The following RARB variants were observed in gnomAD, a reference collection of about 807,000 sequenced individuals.
RARB encodes the protein retinoic acid receptor beta, also known as HBV-activated protein.
In RARB, 17 loss-of-function variants were observed where a neutral mutation model predicts 51.9. The observed-to-expected ratio is 0.33, with a 90% CI of 0.22 to 0.49. The LOEUF (loss-of-function observed/expected upper bound fraction) is 0.49, where lower values mean the gene tolerates loss of function less well. Among genes scored for constraint, RARB ranks in the 20% least tolerant of loss-of-function variants. RARB has a pLI of 0.99. For synonymous variants in RARB, 215 were observed against 195.4 expected, an observed-to-expected ratio of 1.10 and a Z score of -0.84; for missense variants, 369 against 550.8, an observed-to-expected ratio of 0.67 and a Z score of 3.30.
At chr3:24,976,804 CT>C in intron 2 of RARB, among the ~76,000 whole-genome samples, 1 of 152,216 alleles carries the variant, frequency 6.6e-6, no homozygotes, top group Admixed American at 6.5e-5. Context: ...GCTGCCATTG[CT>C]TTTTGTGTTT....
chr3:25,289,927 G>T (rs183176096), intron 5 of RARB, among the ~76,000 whole-genome samples: 4 of 152,158 alleles, frequency 2.6e-5, no homozygotes, highest in Admixed American at 6.5e-5. Flanking sequence ...GTGGCTAAAA[G>T]GATGTCACCA....
At chr3:25,259,873 T>G (rs1328144781) in intron 5 of RARB, 4 of 976,750 alleles carry the variant, frequency 4.1e-6, no homozygotes, top group Non-Finnish European at 4.9e-6. Context: ...TCAAGAGATT[T>G]GAGCTTCTTT....
intron 5 of RARB, among the ~76,000 whole-genome samples, chr3:25,261,713 T>A (rs974922202): frequency 1.3e-5 from 2 of 152,132 alleles, no homozygotes; most frequent in Non-Finnish European, 2.9e-5. Flanking sequence ...TCCTCCATTC[T>A]GTATCTCACT....
At chr3:24,900,582 G>T (rs997757105) in intron 2 of RARB, among the ~76,000 whole-genome samples, 2 of 152,146 alleles carry the variant, frequency 1.3e-5, no homozygotes, top group African/African-American at 4.8e-5. Flanking sequence ...GCATCATGTT[G>T]GGCACAGTAT....
chr3:25,464,329 C>T (rs953723598), intron 2 of RARB, among the ~76,000 whole-genome samples: 3 of 152,128 alleles, frequency 2.0e-5, no homozygotes, highest in African/African-American at 7.2e-5. Flanking sequence ...GTTTGGGATT[C>T]TGACTCCTTT....
chr3:25,261,753 A>G (rs1291119603), intron 5 of RARB, among the ~76,000 whole-genome samples: 1 of 151,972 alleles, frequency 6.6e-6, no homozygotes, highest in East Asian at 1.9e-4. Context: ...CTGGTCACCT[A>G]CTCTAGAAAT....
chr3:25,086,072 A>G (rs780759063), intron 3 of RARB, among the ~76,000 whole-genome samples: 6 of 152,136 alleles, frequency 3.9e-5, no homozygotes, highest in East Asian at 1.9e-4. Flanking sequence ...CTATGGGTTC[A>G]CTATATCCAG....
intron 5 of RARB, among the ~76,000 whole-genome samples, chr3:25,180,268 A>G (rs1229850953): frequency 6.6e-6 from 1 of 152,226 alleles, no homozygotes; most frequent in Non-Finnish European, 1.5e-5. Flanking sequence ...TAATGGTTTA[A>G]GAATTTGTAT....
chr3:25,134,633 G>C (rs1456878584), intron 4 of RARB, among the ~76,000 whole-genome samples: 2 of 151,868 alleles, frequency 1.3e-5, no homozygotes, highest in Non-Finnish European at 2.9e-5. Context: ...TTAGTTCCCT[G>C]AAAACTTGAT....
At chr3:25,335,879 G>T (rs567858300) in intron 5 of RARB, among the ~76,000 whole-genome samples, 1 of 152,186 alleles carries the variant, frequency 6.6e-6, no homozygotes, top group African/African-American at 2.4e-5. Flanking sequence ...ATTTAAATGG[G>T]GAAATAATTT....
intron 2 of RARB, among the ~76,000 whole-genome samples, chr3:25,026,517 C>A (rs1477314132): frequency 6.6e-6 from 1 of 152,112 alleles, no homozygotes; most frequent in Non-Finnish European, 1.5e-5. Context: ...CTTTGGGCAT[C>A]CAAATTTCCT....
In RARB at chr3:24,998,159, C is replaced by G. The variant is rs1431947573; in HGVS notation, c.-379-61966C>G. 3.3e-5 allele frequency among the ~76,000 whole-genome samples: 5 copies of G among 152,076 alleles called. No homozygotes were observed. In the East Asian group the frequency reaches 5.8e-4, roughly 18 times the overall value. On this transcript the variant is annotated intron_variant, in intron 2 of 11. Transcript: ENST00000383772. Reference sequence around the variant, plus strand: ...CATTTCAATATTCATTTTAGCCTTTCAAGAATTATGAACATGGACTCTATT... The same window carrying G: ...CATTTCAATATTCATTTTAGCCTTTGAAGAATTATGAACATGGACTCTATT...
chr3:25,300,636 G>A (rs1211229383), intron 5 of RARB, among the ~76,000 whole-genome samples: 2 of 152,132 alleles, frequency 1.3e-5, no homozygotes, highest in Non-Finnish European at 2.9e-5. Flanking sequence ...GTTACTCAGG[G>A]AAGCTAGGAC....
rs182783152 is a variant in RARB, at chr3:25,452,780, T to A, written c.158-8413T>A. 2.2e-3 allele frequency among the ~76,000 whole-genome samples: 339 copies of A among 152,296 alleles called. 1 individual carries two copies. The highest frequency in any genetic ancestry group is 7.6e-3 in the African/African-American group (315 of 41,564). ...TAATTCTAAGGTGCTCAGTTCTCCC[T>A]CTCCTCATGGTATGGGGGAAGGAGT... On this transcript the variant is annotated intron_variant, in intron 1 of 7. Coordinates refer to ENST00000330688, the MANE Select transcript of RARB (RefSeq NM_000965.5).
At chr3:25,576,762 C>A (rs780542265) in intron 4 of RARB, among the ~76,000 whole-genome samples, 1 of 149,434 alleles carries the variant, frequency 6.7e-6, no homozygotes, top group South Asian at 2.1e-4. Flanking sequence ...TTTAAGATCA[C>A]GCCCTCCTGT....
At chr3:25,439,068 G>C (rs528726690) in intron 1 of RARB, among the ~76,000 whole-genome samples, 24 of 152,318 alleles carry the variant, frequency 1.6e-4, no homozygotes, top group Non-Finnish European at 2.6e-4. Flanking sequence ...GAAGATGAGA[G>C]ATGGGAAACT....
intron 3 of RARB, among the ~76,000 whole-genome samples, chr3:25,539,747 C>T (rs1699298930): frequency 6.6e-6 from 1 of 152,050 alleles, no homozygotes; most frequent in East Asian, 1.9e-4. Context: ...TCGATCCATA[C>T]ACTGGATTTC....
chr3:25,368,041 AT>A (rs2125469684), intron 5 of RARB, among the ~76,000 whole-genome samples: 1 of 152,250 alleles, frequency 6.6e-6, no homozygotes, highest in South Asian at 2.1e-4. Context: ...ACAAACAAAA[AT>A]TTCAAGCTAA....
intron 3 of RARB, among the ~76,000 whole-genome samples, chr3:25,124,896 C>A (rs1699837502): frequency 6.6e-6 from 1 of 152,102 alleles, no homozygotes; most frequent in Admixed American, 6.6e-5. Flanking sequence ...TCTTTTCAGG[C>A]TTCTTTTTCA....
Sources: gnomAD v4.1 joint callset for allele counts (sites outside exome capture counted in the v4.1 genomes callset) on GRCh38, gnomAD v4.1.1 for gene constraint, MANE v1.5 for transcripts, NCBI Gene and HGNC (gene_info 2026-07-23, HGNC 2026-07-21) for gene names.